Variants in DPP10 observed in about 807,000 individuals in gnomAD.
The protein encoded by DPP10 is dipeptidyl peptidase like 10, also known as inactive dipeptidyl peptidase 10.
Under a neutral mutation model 120.9 loss-of-function variants are expected in DPP10, and 33 were observed. The observed-to-expected ratio is 0.27, with a 90% CI of 0.21 to 0.37. The LOEUF (loss-of-function observed/expected upper bound fraction) is 0.37. DPP10 is among the 10% of genes least tolerant of loss of function. The pLI is 1.00. For missense variants in DPP10, 816 were observed against 942.8 expected (o/e 0.87, Z 1.76); for synonymous variants, 337 against 326.1 (o/e 1.03, Z -0.36).
chr2:114,771,840 T>A (rs1047438770), intron 1 of DPP10, among the ~76,000 whole-genome samples: 1 of 152,206 alleles, frequency 6.6e-6, no homozygotes, highest in Non-Finnish European at 1.5e-5. Context: ...TCCCACGGCC[T>A]GGACACATAG....
intron 19 of DPP10, among the ~76,000 whole-genome samples, chr2:115,797,968 T>TAC (rs1553512118): frequency 2.8e-4 from 42 of 151,288 alleles, no homozygotes; most frequent in African/African-American, 4.8e-4. Flanking sequence ...TATATATATA[T>TAC]ACACACGTAT....
At chr2:115,211,087 G>A (rs1393273483) in intron 1 of DPP10, among the ~76,000 whole-genome samples, 1 of 151,986 alleles carries the variant, frequency 6.6e-6, no homozygotes, top group African/African-American at 2.4e-5. Context: ...ATATTTTAAA[G>A]TTTAATATAT....
chr2:114,990,459 T>G (rs1700693613), intron 1 of DPP10, among the ~76,000 whole-genome samples: 5 of 152,216 alleles, frequency 3.3e-5, no homozygotes, highest in Admixed American at 3.3e-4. Context: ...TTTACTGCCT[T>G]CATTACCTAC....
At chr2:114,984,145 A>G (rs1242318698) in intron 1 of DPP10, among the ~76,000 whole-genome samples, 1 of 152,228 alleles carries the variant, frequency 6.6e-6, no homozygotes, top group East Asian at 1.9e-4. Flanking sequence ...CATAGTCTAC[A>G]CCAACATATT....
At chr2:115,219,492 T>C (rs1208266943) in intron 1 of DPP10, among the ~76,000 whole-genome samples, 4 of 152,118 alleles carry the variant, frequency 2.6e-5, no homozygotes, top group Non-Finnish European at 5.9e-5. Context: ...TTACTACTGT[T>C]CTTTCTTTGT....
Position 115,574,819 on chromosome 2 carries a change from A to G in DPP10, c.441+48847A>G, listed in dbSNP as rs2081551811. Among the ~76,000 whole-genome samples, 3 of 152,254 alleles carry G rather than the reference A, an allele frequency of 2.0e-5. No individual in the cohort carries two copies. In the South Asian group the frequency reaches 6.2e-4, roughly 32 times the overall value. On this transcript the variant is annotated intron_variant, in intron 5 of 25. Transcript: ENST00000410059. ...TACGTGACCTCCAGGGCCCTCTCAC[A>G]TTGTCCCCTTGATCCATGATTCTCT...
chr2:115,153,447 T>G (rs2051697999), intron 1 of DPP10, among the ~76,000 whole-genome samples: 1 of 152,182 alleles, frequency 6.6e-6, no homozygotes, highest in African/African-American at 2.4e-5. Flanking sequence ...ATTTTGGAAT[T>G]ATCACAACTG....
chr2:115,480,106 G>A (rs1339247852), intron 3 of DPP10, among the ~76,000 whole-genome samples: 1 of 151,868 alleles, frequency 6.6e-6, no homozygotes, highest in African/African-American at 2.4e-5. Context: ...CCATCCCCTG[G>A]GGCAGCTATT....
At chr2:115,485,080 A>G (rs2075686009) in intron 3 of DPP10, among the ~76,000 whole-genome samples, 1 of 152,102 alleles carries the variant, frequency 6.6e-6, no homozygotes, top group South Asian at 2.1e-4. Context: ...AAAAACAAAC[A>G]AACGAACAAA....
intron 1 of DPP10, among the ~76,000 whole-genome samples, chr2:114,590,489 C>T (rs1691372025): frequency 6.6e-6 from 1 of 152,172 alleles, no homozygotes; most frequent in Non-Finnish European, 1.5e-5. Flanking sequence ...CAGCTAAAGG[C>T]ACAATACATG....
At chr2:115,766,338 G>A (rs28412928) in intron 12 of DPP10, among the ~76,000 whole-genome samples, 28,488 of 81,824 alleles carry the variant, frequency 0.35, 5,317 homozygotes, top group East Asian at 0.45. Flanking sequence ...ATATATATAT[G>A]TATATATATA....
intron 1 of DPP10, 47 bp downstream of exon 1, chr2:114,442,885 A>G (rs765462818): frequency 1.2e-6 from 2 of 1,605,964 alleles, no homozygotes; most frequent in South Asian, 1.1e-5. Flanking sequence ...GTCTTCATTC[A>G]TCTACCTAAC....
intron 5 of DPP10, among the ~76,000 whole-genome samples, chr2:115,636,620 G>C (rs186318040): frequency 2.0e-5 from 3 of 152,148 alleles, no homozygotes; most frequent in Admixed American, 2.0e-4. Flanking sequence ...GAGAGAAGGA[G>C]AGAAGGAGAA....
intron 1 of DPP10, among the ~76,000 whole-genome samples, chr2:114,681,849 T>A (rs1376971842): frequency 2.0e-5 from 3 of 152,038 alleles, no homozygotes; most frequent in African/African-American, 7.2e-5. Context: ...ATAATCCATG[T>A]TGTGAGATCA....
chr2:115,712,675 T>C (rs1445143207), intron 7 of DPP10, among the ~76,000 whole-genome samples: 1 of 149,550 alleles, frequency 6.7e-6, no homozygotes, highest in Non-Finnish European at 1.5e-5. Flanking sequence ...TATATTTGGC[T>C]TTGTAAGACA....
At chr2:115,646,615 T>C (rs916758277) in intron 5 of DPP10, among the ~76,000 whole-genome samples, 5 of 152,166 alleles carry the variant, frequency 3.3e-5, no homozygotes, top group Non-Finnish European at 7.3e-5. Flanking sequence ...CCTACGTAGA[T>C]GGCTATACTG....
In DPP10 at chr2:115,311,468, A is replaced by G. The variant is rs138691752; in HGVS notation, c.175+2115A>G. 5.8e-3 allele frequency among the ~76,000 whole-genome samples: 881 copies of G among 152,298 alleles called. 8 individuals are homozygous for G. Among genetic ancestry groups the G allele is most frequent in the African/African-American group, 0.02 (847 of 41,572 alleles). On this transcript the variant is annotated intron_variant, in intron 2 of 25. Transcript: ENST00000410059. ...CTCTCAGGAATATACATCTTCTGTG[A>G]CTTCAATTTTAGTTATGACAAACGG...
chr2:115,043,562 C>T (rs1573410455), intron 1 of DPP10, among the ~76,000 whole-genome samples: 1 of 152,186 alleles, frequency 6.6e-6, no homozygotes, highest in East Asian at 1.9e-4. Flanking sequence ...ACATAGTAAA[C>T]TCTTCATTAC....
intron 4 of DPP10, among the ~76,000 whole-genome samples, chr2:115,511,893 A>AT (rs1558778898): frequency 6.6e-6 from 1 of 150,850 alleles, no homozygotes; most frequent in Admixed American, 6.6e-5. Flanking sequence ...TTCCCAGCTA[A>AT]TTTTTTTAAA....
Sources: gnomAD v4.1 joint callset for allele counts (sites outside exome capture counted in the v4.1 genomes callset) on GRCh38, gnomAD v4.1.1 for gene constraint, MANE v1.5 for transcripts, NCBI Gene and HGNC (gene_info 2026-07-23, HGNC 2026-07-21) for gene names.